Variants in SCNN1D observed in about 807,000 individuals in gnomAD.
SCNN1D encodes the protein epithelial sodium channel subunit delta.
A neutral mutation model predicts 87.8 loss-of-function variants in SCNN1D; 104 were observed. That is an observed-to-expected ratio of 1.18 (90% CI 1.01 to 1.39). SCNN1D has a LOEUF of 1.39. Ranked by LOEUF, SCNN1D falls within the 40% of genes most tolerant of loss-of-function variation. The pLI is 0.00. For synonymous variants in SCNN1D, 628 were observed against 481.2 expected (o/e 1.31, Z -3.99); for missense variants, 1,324 against 1,093.9 (o/e 1.21, Z -2.97).
chr1:1,291,430 A>G lies in SCNN1D; in HGVS notation c.2229A>G (p.Ser743=), dbSNP rs1261953485. 1 of 1,606,858 alleles carries G rather than the reference A, an allele frequency of 6.2e-7. No individual in the cohort carries two copies. The highest frequency in any genetic ancestry group is 1.1e-5 in the South Asian group (1 of 90,474). Reference sequence around the variant, plus strand: ...CCTGGCCCAGAGCCAGCCCTGCCTCAGGGGCGTCCAGCATCAAGCCAGAGG... The same window carrying G: ...CCTGGCCCAGAGCCAGCCCTGCCTCGGGGGCGTCCAGCATCAAGCCAGAGG... ...WFSWPRASPA[S]GASSIKPEAS... Residue 743 remains serine, a synonymous_variant, in exon 18 of 18, where the codon TCA becomes TCG. Transcript: ENST00000379116.
At chr1:1,291,213 G>A (rs779611777) in intron 17 of SCNN1D, 41 bp from the exon 18 acceptor site, 1 of 1,577,204 alleles carries the variant, frequency 6.3e-7, no homozygotes, top group South Asian at 1.1e-5. Context: ...AAGGGGCACG[G>A]GGGCCTGGGC....
At position 1,290,405 on chromosome 1, in the gene SCNN1D, G is replaced by GC; in HGVS notation, c.1780+19dup. 1 of 1,608,266 alleles carries GC rather than the reference G, an allele frequency of 6.2e-7. No homozygotes were observed. Among genetic ancestry groups the GC allele is most frequent in the Non-Finnish European group, 8.5e-7 (1 of 1,177,070 alleles). ...CTGCCTGGGGTGAGTCCTGCTCGCT[G>GC]CCTCCCACTCTGTCAGCCATTAGCC... On this transcript the variant is annotated intron_variant, in intron 13 of 17. Transcript: ENST00000379116.
At chr1:1,282,005 C>T (rs970718106) in intron 3 of SCNN1D, 11 of 587,374 alleles carry the variant, frequency 1.9e-5, no homozygotes, top group East Asian at 5.9e-5. Context: ...CCTGTCTCCT[C>T]GGCAGGTGCG....
chr1:1,281,723 C>A, intron 3 of SCNN1D, 113 bp downstream of exon 3: 1 of 993,758 alleles, frequency 1.0e-6, no homozygotes, highest in South Asian at 1.7e-5. Flanking sequence ...GCAGGGCATA[C>A]GGGTCATGGA....
chr1:1,291,393 G>C lies in SCNN1D; in HGVS notation c.2192G>C (p.Arg731Thr), dbSNP rs1461426060. ...GTGCTAGGCGGCCGCCGGCTCCGCAGGGCGTGGTTCTCCTGGCCCAGAGCC... is the reference window on the plus strand; with the variant it reads ...GTGCTAGGCGGCCGCCGGCTCCGCACGGCGTGGTTCTCCTGGCCCAGAGCC... ...TLVLGGRRLR[R>T]AWFSWPRASP... Residue 731 changes from arginine (R) to threonine (T), a missense_variant, in exon 18 of 18, where the codon AGG (arginine) becomes ACG (threonine). By Grantham distance (71) the Arg-to-Thr change is moderately conservative. Coordinates refer to ENST00000379116, the MANE Select transcript of SCNN1D (RefSeq NM_001130413.4). The C allele has an allele frequency of 6.2e-7, 1 of 1,608,784 alleles. No homozygotes were observed. The highest frequency in any genetic ancestry group is 8.5e-7 in the Non-Finnish European group (1 of 1,178,542).
chr1:1,288,032 A>G lies in SCNN1D; in HGVS notation c.1657A>G (p.Arg553Gly). 3 of 1,382,286 alleles carry G rather than the reference A, an allele frequency of 2.2e-6. No individual in the cohort carries two copies. The highest frequency in any genetic ancestry group is 1.2e-5 in the South Asian group (1 of 80,230). 85.6% of individuals were successfully genotyped at this position (1,382,286 alleles called of 1,614,324 possible). The change falls in exon 12 of 18, where the codon AGG becomes GGG. Residue 553 changes from arginine (R) to glycine (G), a missense_variant. Transcript: ENST00000379116. The stretch of plus-strand genomic sequence containing the variant: ...GCTGCTACACAACACCTCCTACACC[A>G]GGCAGGTGAGGCTGGGCTGGCAGGG... ...VELLHNTSYT[R>G]QACLVSCFQQ...
chr1:1,290,800 A>G, intron 15 of SCNN1D, 95 bp from the exon 16 acceptor site: 1 of 1,577,156 alleles, frequency 6.3e-7, no homozygotes, highest in Non-Finnish European at 8.7e-7. Context: ...GACCCAGCCT[A>G]TGCCCCGTGG....
At position 1,282,167 on chromosome 1, in the gene SCNN1D, C is replaced by T. The variant is rs933016275; in HGVS notation, c.278-75C>T. On this transcript the variant is annotated intron_variant, in intron 3 of 17. Coordinates refer to ENST00000379116, the MANE Select transcript of SCNN1D (RefSeq NM_001130413.4). ...AGGCACCCCAGCCCCATCTGGCACT[C>T]AAGGAAATCAGCTCAGAGAGGTTGA... 4.5e-6 allele frequency: 4 copies of T among 891,800 alleles called. No individual in the cohort carries two copies. In the African/African-American group the frequency reaches 5.0e-5, roughly 11 times the overall value. 55.2% of individuals were successfully genotyped at this position (891,800 alleles called of 1,614,324 possible). A position where few individuals can be genotyped will look rare whatever the true frequency, so the allele number is the denominator to read the frequency against.
intron 7 of SCNN1D, among the ~76,000 whole-genome samples, 166 bp from the exon 8 acceptor site, chr1:1,286,602 G>A (rs891159780): frequency 6.6e-6 from 1 of 152,076 alleles, no homozygotes; most frequent in African/African-American, 2.4e-5. Context: ...CTCCGGGGCC[G>A]ACCTCACCGG....
At chr1:1,288,265 CTGCTCCGTCCCCCGAGTCT>C (rs1640664612) in intron 12 of SCNN1D, among the ~76,000 whole-genome samples, 9 of 112,336 alleles carry the variant, frequency 8.0e-5, no homozygotes, top group African/African-American at 2.2e-4. Context: ...TCCCGTGTCT[CTGCTCCGTCCCCCGAGTCT>C]CTGCTCCGTC....
chr1:1,290,435 G>T (rs762124243), intron 13 of SCNN1D, 42 bp from the exon 14 acceptor site: 9 of 1,611,486 alleles, frequency 5.6e-6, no homozygotes, highest in African/African-American at 2.7e-5. Context: ...TTAGCCGGGG[G>T]GTCACAGCGA....
chr1:1,280,492 A>G lies in SCNN1D; in HGVS notation c.-170A>G, dbSNP rs1382654787. Reference sequence around the variant, plus strand: ...ATAAAAAAAAAAAAGAGTTGTTATCAGTAGAAGGGAATGTCTGGTTACAGT... The same window carrying G: ...ATAAAAAAAAAAAAGAGTTGTTATCGGTAGAAGGGAATGTCTGGTTACAGT... On this transcript the variant is annotated 5_prime_UTR_variant, in exon 1 of 18. Coordinates refer to ENST00000379116, the MANE Select transcript of SCNN1D (RefSeq NM_001130413.4). 1 of 507,002 alleles carries G rather than the reference A, an allele frequency of 2.0e-6. No individual in the cohort carries two copies. The highest frequency in any genetic ancestry group is 3.6e-6 in the Non-Finnish European group (1 of 280,936). The allele number at this position is 507,002 out of a possible 1,614,324, so 31.4% of individuals were successfully genotyped here.
In SCNN1D at chr1:1,287,731, G is replaced by T. The variant is rs767988723; in HGVS notation, c.1458G>T (p.Leu486=). Residue 486 remains leucine, a synonymous_variant, in exon 11 of 18, where the codon CTG becomes CTT. Transcript: ENST00000379116. ...QQPHLPLLST[L]AGIRVMVHGR... is the part of the protein sequence containing the mutation. ...CTCACCTCCCTCTGCTGTCCACGCT[G>T]GCCGGCATCAGGGTCATGGTTCACG... 12 of 1,608,980 alleles carry T rather than the reference G, an allele frequency of 7.5e-6. No homozygotes were observed. In the South Asian group the frequency reaches 1.1e-4, roughly 15 times the overall value.
chr1:1,286,692 A>G, intron 7 of SCNN1D, 76 bp from the exon 8 acceptor site: 1 of 1,421,048 alleles, frequency 7.0e-7, no homozygotes, highest in Admixed American at 1.8e-5. Context: ...TGCTGTCCCG[A>G]CAGCACACAC....
chr1:1,290,676 G>GC lies in SCNN1D; in HGVS notation c.1901dup (p.Ser635PhefsTer14), dbSNP rs1322668407. On this transcript the variant is annotated frameshift_variant, in exon 15 of 18. Coordinates refer to ENST00000379116, the MANE Select transcript of SCNN1D (RefSeq NM_001130413.4). LOFTEE classifies it high-confidence loss of function. ...AGCTCTCCACTGGGACCTCCAGGTG[G>GC]CCTTCCGCCAAGTCAGCTGTGAGTC... 6.2e-7 allele frequency: 1 copy of GC among 1,612,496 alleles called. No individual in the cohort carries two copies. The highest frequency in any genetic ancestry group is 8.5e-7 in the Non-Finnish European group (1 of 1,179,942).
rs1211674470 is a variant in SCNN1D at position 1,287,834 on chromosome 1, G to A, written c.1561G>A (p.Glu521Lys). The A allele has an allele frequency of 3.9e-6, 6 of 1,543,780 alleles. No homozygotes were observed. Among genetic ancestry groups the A allele is most frequent in the Non-Finnish European group, 5.3e-6 (6 of 1,141,756 alleles). Residue 521 changes from glutamate to lysine, a missense_variant and splice_region_variant, in exon 11 of 18, where the codon GAG (glutamate) becomes AAG (lysine). Coordinates refer to ENST00000379116, the MANE Select transcript of SCNN1D (RefSeq NM_001130413.4). Reference protein sequence around the residue: ...PGTEATISIREDEVHRLGSPY... With the variant: ...PGTEATISIRKDEVHRLGSPY... ...GACGGAGGCCACCATCAGCATCCGA[G>A]AGGTGAGCTGGCCTCTGCAGCCAAC...
At chr1:1,281,637 C>T in intron 3 of SCNN1D, 27 bp downstream of exon 3, 2 of 1,527,094 alleles carry the variant, frequency 1.3e-6, no homozygotes, top group Non-Finnish European at 1.8e-6. Context: ...CCTTAGAGGC[C>T]TTGCCCGGGA....
chr1:1,281,096 C>T, intron 1 of SCNN1D, 130 bp from the exon 2 acceptor site: 1 of 895,698 alleles, frequency 1.1e-6, no homozygotes, highest in Non-Finnish European at 1.7e-6. Context: ...GTCTATTGCA[C>T]CAGAACCGTC....
chr1:1,287,217 G>A lies in SCNN1D; in HGVS notation c.1228G>A (p.Ala410Thr), dbSNP rs753657802. Residue 410 changes from alanine to threonine, a missense_variant, in exon 9 of 18, where the codon GCG (alanine) becomes ACG (threonine). Physicochemically the swap from Ala to Thr is moderately conservative, Grantham distance 58 (BLOSUM62 0). Transcript: ENST00000379116. ...HYVDILALLPAAWEDSHGSQD... is the reference protein window; with the variant it reads ...HYVDILALLPTAWEDSHGSQD... Reference sequence around the variant, plus strand: ...TGTGGATATCCTGGCCCTGCTGCCCGCGGCATGGGAGGACAGCCACGGGAG... The same window carrying A: ...TGTGGATATCCTGGCCCTGCTGCCCACGGCATGGGAGGACAGCCACGGGAG... 23 of 1,611,796 alleles carry A rather than the reference G, an allele frequency of 1.4e-5. No homozygotes were observed. Among genetic ancestry groups the A allele is most frequent in the South Asian group, 6.6e-5 (6 of 91,032 alleles).
Sources: gnomAD v4.1 joint callset for allele counts (sites outside exome capture counted in the v4.1 genomes callset) on GRCh38, gnomAD v4.1.1 for gene constraint, MANE v1.5 for transcripts, NCBI Gene and HGNC (gene_info 2026-07-23, HGNC 2026-07-21) for gene names.